The following ALDH1L1 variants were observed in gnomAD, a reference collection of about 807,000 sequenced individuals.
ALDH1L1 encodes cytosolic 10-formyltetrahydrofolate dehydrogenase.
ALDH1L1 carries 68 observed loss-of-function variants against 101.1 expected under a neutral mutation model. The ratio of observed to expected loss-of-function variants is 0.67; its 90% confidence interval spans 0.55 to 0.82. The LOEUF is 0.82. Ranked by LOEUF, ALDH1L1 falls within the 40% of genes least tolerant of loss-of-function variation. The probability of loss-of-function intolerance (pLI) is 0.00; values close to 1 mark genes in which losing one functional copy is unlikely to be tolerated. For missense variants in ALDH1L1, 1,087 were observed against 1,172.7 expected (o/e 0.93, Z 1.07); for synonymous variants, 486 against 470.8 (o/e 1.03, Z -0.42).
At chr3:126,153,246 AG>A (rs748386922) in intron 7 of ALDH1L1, 197 bp downstream of exon 7, 332 of 761,678 alleles carry the variant, frequency 4.4e-4, no homozygotes, top group Non-Finnish European at 6.5e-4. Context: ...AGAACAGAGA[AG>A]TGGGTAAACT....
intron 16 of ALDH1L1, among the ~76,000 whole-genome samples, chr3:126,119,479 G>A (rs564463738): frequency 2.8e-4 from 42 of 152,216 alleles, no homozygotes; most frequent in African/African-American, 1.0e-3. Flanking sequence ...TCCATCCCAT[G>A]ACTCGCTCAG....
intron 9 of ALDH1L1, among the ~76,000 whole-genome samples, chr3:126,138,917 CA>C (rs1307005923): frequency 2.0e-5 from 3 of 152,244 alleles, no homozygotes; most frequent in Non-Finnish European, 2.9e-5. Flanking sequence ...ATGCTTTCAG[CA>C]CCAAGGAGAA....
Position 126,131,420 on chromosome 3 carries a change from G to A in ALDH1L1, c.1587C>T (p.Thr529=). 1 of 1,611,596 alleles carries A rather than the reference G, an allele frequency of 6.2e-7. No individual in the cohort carries two copies. The change falls in exon 13 of 23, where the codon ACC becomes ACT. Residue 529 remains threonine (T), a synonymous_variant. Transcript: ENST00000393434. ...LKTHVGMSIQ[T]FRYFAGWCDK... is the part of the protein sequence containing the mutation. ...CACACCAGCCAGCAAAGTAGCGGAA[G>A]GTCTGGATGGACATGCCCACGTGGG...
rs573922345 is a variant in ALDH1L1, at chr3:126,131,441, G to C, written c.1566C>G (p.His522Gln). 2.5e-6 allele frequency: 4 copies of C among 1,613,400 alleles called. No individual in the cohort carries two copies. In the East Asian group the frequency reaches 8.9e-5, roughly 36 times the overall value. ...GAVYTLALKT[H>Q]VGMSIQTFRY... The stretch of plus-strand genomic sequence containing the variant: ...GGAAGGTCTGGATGGACATGCCCAC[G>C]TGGGTCTTCAGGGCCAGCGTGTAGA... The change falls in exon 13 of 23, where the codon CAC (histidine) becomes CAG (glutamine). Residue 522 changes from histidine to glutamine, a missense_variant. By Grantham distance (24) the His-to-Gln change is conservative (BLOSUM62 0). Coordinates refer to ENST00000393434, the MANE Select transcript of ALDH1L1 (RefSeq NM_012190.4).
At chr3:126,105,396 G>A (rs550604034) in intron 22 of ALDH1L1, 309 of 373,534 alleles carry the variant, frequency 8.3e-4, no homozygotes, top group African/African-American at 4.9e-3. Flanking sequence ...CCAGAAACAC[G>A]GGCCCCTGGG....
rs754507885 is a variant in ALDH1L1, at chr3:126,118,060, C to T, written c.1927G>A (p.Val643Met). Residue 643 changes from valine to methionine, a missense_variant, in exon 17 of 23, where the codon GTG becomes ATG. Physicochemically the swap from Val to Met is conservative, Grantham distance 21 (BLOSUM62 1). Around this residue, in one of 2 missense-constraint regions of ALDH1L1, gnomAD observed 442 missense variants for 535.7 expected, o/e 0.83. Transcript: ENST00000393434. ...GAGCCTGTGAACCCGATTTTCCTCACATCAGGATGGTCTGAGAGTCTCTGG... is the reference window on the plus strand; with the variant it reads ...GAGCCTGTGAACCCGATTTTCCTCATATCAGGATGGTCTGAGAGTCTCTGG... ...VGQRLSDHPD[V>M]RKIGFTGSTE... is the part of the protein sequence containing the mutation. 8.7e-6 allele frequency: 14 copies of T among 1,613,680 alleles called. No individual in the cohort carries two copies. Among genetic ancestry groups the T allele is most frequent in the Non-Finnish European group, 1.1e-5 (13 of 1,179,856 alleles).
chr3:126,151,670 G>A (rs907330669), intron 7 of ALDH1L1: 1 of 152,248 alleles, frequency 6.6e-6, no homozygotes, highest in Non-Finnish European at 1.5e-5. Context: ...ATGGTACTCT[G>A]TATGCATGCT....
chr3:126,173,631 G>A (rs889135330), intron 1 of ALDH1L1, among the ~76,000 whole-genome samples: 1 of 152,152 alleles, frequency 6.6e-6, no homozygotes, highest in Non-Finnish European at 1.5e-5. Context: ...TATCAATGGT[G>A]TAAATATACC....
At chr3:126,156,910 C>T (rs1399151450) in intron 4 of ALDH1L1, among the ~76,000 whole-genome samples, 1 of 152,168 alleles carries the variant, frequency 6.6e-6, no homozygotes, top group Non-Finnish European at 1.5e-5. Context: ...GCTATAGTGG[C>T]TATCTTTCCT....
At chr3:126,169,729 C>T (rs1333806608) in intron 1 of ALDH1L1, among the ~76,000 whole-genome samples, 1 of 152,156 alleles carries the variant, frequency 6.6e-6, no homozygotes, top group Admixed American at 6.5e-5. Context: ...AACAAAGTTC[C>T]ATCAAAGCTG....
At position 126,109,949 on chromosome 3, in the gene ALDH1L1, C is replaced by A; in HGVS notation, c.2342G>T (p.Arg781Leu). 1 of 1,613,854 alleles carries A rather than the reference C, an allele frequency of 6.2e-7. No individual in the cohort carries two copies. Among genetic ancestry groups the A allele is most frequent in the Non-Finnish European group, 8.5e-7 (1 of 1,179,938 alleles). ...CCTGACACACTCTGACTCACCTGGC[C>A]GAGGGACCTGATTCCCGCCGCAGAC... ...TLVCGGNQVP[R>L]PGFFFEPTVF... is the part of the protein sequence containing the mutation. Residue 781 changes from arginine (R) to leucine (L), a missense_variant, in exon 20 of 23, where the codon CGG (arginine) becomes CTG (leucine). Around this residue, in one of 2 missense-constraint regions of ALDH1L1, gnomAD observed 442 missense variants for 535.7 expected, o/e 0.83. Coordinates refer to ENST00000393434, the MANE Select transcript of ALDH1L1 (RefSeq NM_012190.4).
chr3:126,137,923 C>A lies in ALDH1L1; in HGVS notation c.1114G>T (p.Glu372Ter). 1 of 1,614,180 alleles carries A rather than the reference C, an allele frequency of 6.2e-7. No individual in the cohort carries two copies. Among genetic ancestry groups the A allele is most frequent in the Non-Finnish European group, 8.5e-7 (1 of 1,180,016 alleles). ...EEVKELCDGL[E>*]LENEDVYMAS... ...ATGTACACATCTTCATTTTCTAACT[C>A]CAGGCCATCACACAGCTCCTTCACT... The change falls in exon 10 of 23, where the codon GAG becomes TAG. Residue 372 changes from glutamate (E) to a stop codon, truncating the protein, a stop_gained. Transcript: ENST00000393434. LOFTEE classifies it high-confidence loss of function.
chr3:126,128,598 G>A (rs1252634625), intron 14 of ALDH1L1: 3 of 152,346 alleles, frequency 2.0e-5, no homozygotes, highest in Admixed American at 1.3e-4. Flanking sequence ...GAGACCATTA[G>A]TTCCAGAATC....
chr3:126,173,002 G>A (rs546539633), intron 1 of ALDH1L1, among the ~76,000 whole-genome samples: 3 of 152,234 alleles, frequency 2.0e-5, no homozygotes, highest in South Asian at 4.1e-4. Context: ...GATTCCATCT[G>A]TATGCAGTAA....
At chr3:126,118,223 G>C (rs1397355059) in intron 16 of ALDH1L1, 125 bp from the exon 17 acceptor site, 1 of 736,366 alleles carries the variant, frequency 1.4e-6, no homozygotes, top group Non-Finnish European at 2.3e-6. Flanking sequence ...CCACATGCTT[G>C]ATCCCCATGG....
chr3:126,144,967 C>CT, intron 9 of ALDH1L1, among the ~76,000 whole-genome samples: 1 of 152,214 alleles, frequency 6.6e-6, no homozygotes, highest in South Asian at 2.1e-4. Flanking sequence ...TAAGGAGTTC[C>CT]TACAACTCAA....
chr3:126,164,791 A>G (rs2081132410), intron 1 of ALDH1L1, among the ~76,000 whole-genome samples: 1 of 152,106 alleles, frequency 6.6e-6, no homozygotes, highest in African/African-American at 2.4e-5. Flanking sequence ...AAATCTCTAA[A>G]CTTTTCTTTA....
At chr3:126,169,538 T>C (rs2081233483) in intron 1 of ALDH1L1, among the ~76,000 whole-genome samples, 1 of 152,210 alleles carries the variant, frequency 6.6e-6, no homozygotes, top group African/African-American at 2.4e-5. Flanking sequence ...GTGTGCACAG[T>C]CCCTGTACAG....
chr3:126,170,880 G>A (rs1350247205), intron 1 of ALDH1L1, among the ~76,000 whole-genome samples: 1 of 152,178 alleles, frequency 6.6e-6, no homozygotes, highest in Non-Finnish European at 1.5e-5. Context: ...GAGGTGGGGG[G>A]AAAGTATCTT....
Sources: allele counts gnomAD v4.1 joint callset (sites outside exome capture counted in the v4.1 genomes callset), GRCh38; gene constraint gnomAD v4.1.1; regional missense constraint gnomAD v4.1.1; transcripts MANE v1.5; gene names NCBI Gene and HGNC (gene_info 2026-07-23, HGNC 2026-07-21).